BRINP3: variants seen among roughly 807,000 people sequenced by gnomAD.
The protein encoded by BRINP3 is BMP/retinoic acid-inducible neural-specific protein 3.
In BRINP3, 19 loss-of-function variants were observed where a neutral mutation model predicts 71.0. The observed-to-expected ratio is 0.27, with a 90% confidence interval of 0.19 to 0.39. The LOEUF is 0.39. Among genes scored for constraint, BRINP3 ranks in the 10% least tolerant of loss-of-function variants. The pLI, the probability that BRINP3 is intolerant of heterozygous loss-of-function variation, is 1.00. For missense variants in BRINP3, 959 were observed against 940.8 expected, an observed-to-expected ratio of 1.02 and a Z score of -0.25; for synonymous variants, 380 against 337.7, an observed-to-expected ratio of 1.13 and a Z score of -1.37.
chr1:190,193,763 C>G (rs542401829), intron 6 of BRINP3, among the ~76,000 whole-genome samples: 1 of 152,214 alleles, frequency 6.6e-6, no homozygotes, highest in South Asian at 2.1e-4. Flanking sequence ...TGCAAATCTA[C>G]TCCCAGACTC....
At chr1:190,225,283 TATTCAGCCATAAAATAG>T (rs1307438460) in intron 6 of BRINP3, among the ~76,000 whole-genome samples, 3 of 152,048 alleles carry the variant, frequency 2.0e-5, no homozygotes, top group Admixed American at 1.3e-4. Context: ...AATGGAATAT[TATTCAGCCATAAAATAG>T]AATGAAATCT....
intron 2 of BRINP3, among the ~76,000 whole-genome samples, chr1:190,304,180 A>T (rs1281777781): frequency 6.6e-6 from 1 of 151,858 alleles, no homozygotes; most frequent in Non-Finnish European, 1.5e-5. Context: ...CTAGGCTTAA[A>T]TCATTAAAAT....
intron 3 of BRINP3, among the ~76,000 whole-genome samples, chr1:190,278,733 C>A (rs1662814081): frequency 6.6e-6 from 1 of 151,508 alleles, no homozygotes; most frequent in Non-Finnish European, 1.5e-5. Flanking sequence ...TCTCTTTCCC[C>A]CTTTAAGGCA....
chr1:190,117,531 A>AT (rs562020255), intron 7 of BRINP3, among the ~76,000 whole-genome samples: 4 of 151,818 alleles, frequency 2.6e-5, no homozygotes, highest in Non-Finnish European at 5.9e-5. Context: ...ACCAATTCCC[A>AT]TTTTTTTGTT....
chr1:190,386,532 C>A (rs886596763), intron 2 of BRINP3, among the ~76,000 whole-genome samples: 3 of 151,870 alleles, frequency 2.0e-5, no homozygotes, highest in African/African-American at 4.8e-5. Context: ...CTCTTTAAAT[C>A]TCTGTTAGTG....
At chr1:190,295,204 C>A (rs750043857) in intron 2 of BRINP3, among the ~76,000 whole-genome samples, 20 of 152,062 alleles carry the variant, frequency 1.3e-4, no homozygotes, top group Admixed American at 6.6e-4. Flanking sequence ...GCCAGAACTC[C>A]GGTTTGTTCT....
Position 190,098,846 on chromosome 1 carries a change from G to A in BRINP3, c.1473C>T (p.Asp491=), listed in dbSNP as rs761802806. ...GATATTTCATCTCGAGATCTTGCAGGTCAGTTTCAAAGCCAATATAGTGAT... is the reference window on the plus strand; with the variant it reads ...GATATTTCATCTCGAGATCTTGCAGATCAGTTTCAAAGCCAATATAGTGAT... ...STDHYIGFET[D]LQDLEMKYLL... Residue 491 remains aspartate (D), a synonymous_variant, in exon 8 of 8, where the codon GAC becomes GAT. Coordinates refer to ENST00000367462, the MANE Select transcript of BRINP3 (RefSeq NM_199051.3). 162 of 1,614,188 alleles carry A rather than the reference G, an allele frequency of 1.0e-4. 1 individual carries two copies. In the South Asian group the frequency reaches 1.7e-3, roughly 17 times the overall value.
chr1:190,172,465 G>A (rs774316622), intron 6 of BRINP3, among the ~76,000 whole-genome samples: 2 of 151,914 alleles, frequency 1.3e-5, no homozygotes, highest in Non-Finnish European at 2.9e-5. Flanking sequence ...GTCAGAAAAT[G>A]GACTTTATTG....
At chr1:190,199,208 G>T (rs1654769977) in intron 6 of BRINP3, among the ~76,000 whole-genome samples, 1 of 152,126 alleles carries the variant, frequency 6.6e-6, no homozygotes, top group South Asian at 2.1e-4. Context: ...CTCCCACTGG[G>T]TCCCTCCCAT....
At chr1:190,178,371 T>C (rs1652737241) in intron 6 of BRINP3, among the ~76,000 whole-genome samples, 1 of 152,150 alleles carries the variant, frequency 6.6e-6, no homozygotes, top group South Asian at 2.1e-4. Flanking sequence ...GTTTATGTTG[T>C]TATTATTGTT....
At chr1:190,293,669 T>C (rs894589246) in intron 2 of BRINP3, among the ~76,000 whole-genome samples, 7 of 152,178 alleles carry the variant, frequency 4.6e-5, no homozygotes, top group African/African-American at 1.7e-4. Flanking sequence ...CCTTGAGATC[T>C]ATTAAATTTG....
chr1:190,265,691 G>A (rs1191773641), intron 3 of BRINP3, among the ~76,000 whole-genome samples: 1 of 151,272 alleles, frequency 6.6e-6, no homozygotes, highest in Non-Finnish European at 1.5e-5. Context: ...CTCCAGCCTG[G>A]GCGACAGAGC....
At chr1:190,370,549 C>T (rs1487672082) in intron 2 of BRINP3, among the ~76,000 whole-genome samples, 1 of 152,308 alleles carries the variant, frequency 6.6e-6, no homozygotes, top group African/African-American at 2.4e-5. Flanking sequence ...GAAGTCTCTA[C>T]ATTTGAATCT....
rs1665010300 is a variant in BRINP3 at position 190,305,190 on chromosome 1, T to C, written c.237-23440A>G. Among the ~76,000 whole-genome samples, 4 of 152,016 alleles carry C rather than the reference T, an allele frequency of 2.6e-5. No homozygotes were observed. In the South Asian group the frequency reaches 8.3e-4, roughly 31 times the overall value. ...TAGTATAGCAATTGTAGAAAAAATTTGGAGGTTCCTCAAAAAATTAAAAAT... is the reference window on the plus strand; with the variant it reads ...TAGTATAGCAATTGTAGAAAAAATTCGGAGGTTCCTCAAAAAATTAAAAAT... On this transcript the variant is annotated intron_variant, in intron 2 of 7. Transcript: ENST00000367462.
chr1:190,121,657 G>A (rs999052679), intron 7 of BRINP3, among the ~76,000 whole-genome samples: 2 of 152,028 alleles, frequency 1.3e-5, no homozygotes, highest in African/African-American at 2.4e-5. Flanking sequence ...TAATATAAAA[G>A]TTTAGGCAGT....
chr1:190,118,947 C>T (rs747873874), intron 7 of BRINP3, among the ~76,000 whole-genome samples: 1 of 152,136 alleles, frequency 6.6e-6, no homozygotes, highest in Non-Finnish European at 1.5e-5. Flanking sequence ...TTTCTCTCAT[C>T]AGGCCATTTT....
intron 2 of BRINP3, among the ~76,000 whole-genome samples, chr1:190,454,399 C>A (rs1460606225): frequency 6.6e-6 from 1 of 152,082 alleles, no homozygotes; most frequent in Non-Finnish European, 1.5e-5. Context: ...AATACATTGC[C>A]ATTTACTTTA....
chr1:190,414,578 T>C (rs1485503099), intron 2 of BRINP3, among the ~76,000 whole-genome samples: 3 of 152,202 alleles, frequency 2.0e-5, no homozygotes, highest in East Asian at 3.8e-4. Context: ...GCATAAGGTA[T>C]CTGTTGGGCC....
At chr1:190,153,534 C>T (rs965158146) in intron 7 of BRINP3, among the ~76,000 whole-genome samples, 3 of 151,846 alleles carry the variant, frequency 2.0e-5, no homozygotes, top group African/African-American at 7.3e-5. Flanking sequence ...TCCTGGAGTG[C>T]CTGAAACTAG....
Sources: gnomAD v4.1 joint callset for allele counts (sites outside exome capture counted in the v4.1 genomes callset) on GRCh38, gnomAD v4.1.1 for gene constraint, MANE v1.5 for transcripts, NCBI Gene and HGNC (gene_info 2026-07-23, HGNC 2026-07-21) for gene names.